GPC5: variants seen among roughly 807,000 people sequenced by gnomAD.
GPC5 encodes the protein glypican 5.
Under a neutral mutation model 53.9 loss-of-function variants are expected in GPC5, and 47 were observed. That is an observed-to-expected ratio of 0.87 (90% CI 0.69 to 1.11). The LOEUF is 1.11. Among genes scored for constraint, GPC5 ranks in the 50% most tolerant of loss-of-function variants. The pLI is 0.00. For synonymous variants in GPC5, 286 were observed against 263.3 expected (o/e 1.09, Z -0.84); for missense variants, 748 against 713.1 (o/e 1.05, Z -0.56).
intron 7 of GPC5, among the ~76,000 whole-genome samples, chr13:92,475,910 T>C (rs1242633998): frequency 2.0e-5 from 3 of 151,978 alleles, no homozygotes; most frequent in Admixed American, 6.6e-5. Context: ...GATTAAAGAC[T>C]TAAACGTTAG....
chr13:91,434,331 T>C (rs1169629861), intron 1 of GPC5, among the ~76,000 whole-genome samples: 2 of 152,124 alleles, frequency 1.3e-5, no homozygotes, highest in Admixed American at 6.5e-5. Flanking sequence ...TTTTATGGTT[T>C]TAGGTCTAAC....
intron 5 of GPC5, among the ~76,000 whole-genome samples, chr13:91,842,438 C>G (rs550656690): frequency 3.7e-4 from 55 of 148,276 alleles, no homozygotes; most frequent in Admixed American, 8.9e-4. Context: ...CGCGGTGGCT[C>G]ACGCCTGTAA....
At chr13:91,856,757 C>T (rs7992142) in intron 5 of GPC5, among the ~76,000 whole-genome samples, 28,610 of 151,080 alleles carry the variant, frequency 0.19, 3,000 homozygotes, top group East Asian at 0.31. Context: ...TTAATAGAGA[C>T]ATATCATTAT....
At chr13:92,617,109 C>CA (rs1884715258) in intron 7 of GPC5, among the ~76,000 whole-genome samples, 1 of 151,806 alleles carries the variant, frequency 6.6e-6, no homozygotes, top group African/African-American at 2.4e-5. Context: ...AAAATGATAC[C>CA]CAATGCATGG....
At chr13:92,583,700 G>A (rs1883441353) in intron 7 of GPC5, among the ~76,000 whole-genome samples, 1 of 152,190 alleles carries the variant, frequency 6.6e-6, no homozygotes, top group Non-Finnish European at 1.5e-5. Flanking sequence ...AGAAGAATAA[G>A]TTCTGGAATA....
intron 2 of GPC5, among the ~76,000 whole-genome samples, chr13:91,635,520 G>C (rs1482546132): frequency 1.3e-5 from 2 of 151,932 alleles, no homozygotes; most frequent in Non-Finnish European, 2.9e-5. Context: ...TTCATCATCA[G>C]CATTTTCCTT....
intron 6 of GPC5, among the ~76,000 whole-genome samples, chr13:91,993,857 A>C (rs1188911872): frequency 1.3e-5 from 2 of 152,190 alleles, no homozygotes; most frequent in Non-Finnish European, 2.9e-5. Flanking sequence ...GAAAATAAGA[A>C]AATGATCAGG....
intron 2 of GPC5, among the ~76,000 whole-genome samples, chr13:91,623,770 A>G (rs543710027): frequency 6.6e-6 from 1 of 152,258 alleles, no homozygotes; most frequent in African/African-American, 2.4e-5. Flanking sequence ...TCTTTGGCTC[A>G]GTTATATAAC....
chr13:92,516,254 T>C (rs1311174258), intron 7 of GPC5, among the ~76,000 whole-genome samples: 4 of 152,138 alleles, frequency 2.6e-5, no homozygotes, highest in Admixed American at 2.6e-4. Flanking sequence ...AAGAAAATAA[T>C]AATAATCCAT....
At chr13:92,290,740 T>C (rs12872348) in intron 7 of GPC5, among the ~76,000 whole-genome samples, 13,012 of 152,254 alleles carry the variant, frequency 0.085, 618 homozygotes, top group Middle Eastern at 0.12. Flanking sequence ...TCCTCACAGC[T>C]CTCGCTCGCT....
intron 7 of GPC5, among the ~76,000 whole-genome samples, chr13:92,345,436 G>T (rs1421462005): frequency 6.6e-6 from 1 of 152,064 alleles, no homozygotes; most frequent in Non-Finnish European, 1.5e-5. Flanking sequence ...CAAAATAGAA[G>T]AATAGGAAGT....
intron 7 of GPC5, among the ~76,000 whole-genome samples, chr13:92,724,226 A>G (rs1157983652): frequency 6.6e-6 from 1 of 150,634 alleles, no homozygotes; most frequent in Admixed American, 6.6e-5. Context: ...CTCAAAAATA[A>G]GTTAGGTTTT....
intron 7 of GPC5, among the ~76,000 whole-genome samples, chr13:92,627,469 T>G (rs1885084317): frequency 6.6e-6 from 1 of 152,186 alleles, no homozygotes; most frequent in Non-Finnish European, 1.5e-5. Flanking sequence ...TAAAATCACA[T>G]ACATGCAGAG....
intron 7 of GPC5, among the ~76,000 whole-genome samples, chr13:92,450,805 C>A (rs187870751): frequency 8.5e-5 from 13 of 152,268 alleles, no homozygotes; most frequent in South Asian, 2.1e-4. Flanking sequence ...TCTGTGTCTC[C>A]AGGACCAACC....
intron 7 of GPC5, among the ~76,000 whole-genome samples, chr13:92,672,366 TAA>T (rs1886782498): frequency 6.6e-6 from 1 of 152,090 alleles, no homozygotes; most frequent in Non-Finnish European, 1.5e-5. Flanking sequence ...TGGCTGTTAT[TAA>T]AAAGTCAAAA....
intron 6 of GPC5, among the ~76,000 whole-genome samples, chr13:92,017,759 TAAAC>T (rs1343369450): frequency 6.6e-6 from 1 of 150,840 alleles, no homozygotes; most frequent in Non-Finnish European, 1.5e-5. Flanking sequence ...TTCCACAAAA[TAAAC>T]ACACACGTGC....
chr13:91,638,591 C>G lies in GPC5; in HGVS notation c.326-54596C>G, dbSNP rs143543742. ...ATATTGGCCAGGCTGGTCTCGAACT[C>G]CTGACCTCAAGTGATCTGCCCGCCT... On this transcript the variant is annotated intron_variant, in intron 2 of 7. Coordinates refer to ENST00000377067, the MANE Select transcript of GPC5 (RefSeq NM_004466.6). Among the ~76,000 whole-genome samples the G allele has an allele frequency of 4.4e-3, 669 of 152,254 alleles. 4 individuals carry two copies. The highest frequency in any genetic ancestry group is 0.016 in the African/African-American group (644 of 41,536).
intron 5 of GPC5, among the ~76,000 whole-genome samples, chr13:91,868,502 G>A (rs1288864885): frequency 6.6e-6 from 1 of 152,144 alleles, no homozygotes; most frequent in East Asian, 1.9e-4. Context: ...CCTGGGAGTT[G>A]AAGACCAGAC....
At chr13:92,766,149 T>G (rs1327343103) in intron 7 of GPC5, among the ~76,000 whole-genome samples, 1 of 152,146 alleles carries the variant, frequency 6.6e-6, no homozygotes, top group Non-Finnish European at 1.5e-5. Flanking sequence ...CTAAAGCTCT[T>G]TCTGTTTCTA....
Sources: gnomAD v4.1 joint callset for allele counts (sites outside exome capture counted in the v4.1 genomes callset) on GRCh38, gnomAD v4.1.1 for gene constraint, MANE v1.5 for transcripts, NCBI Gene and HGNC (gene_info 2026-07-23, HGNC 2026-07-21) for gene names.